Variants in DDIAS observed in about 807,000 individuals in gnomAD.
DDIAS encodes DNA damage induced apoptosis suppressor.
Under a neutral mutation model 15.7 loss-of-function variants are expected in DDIAS, and 14 were observed. That is an observed-to-expected ratio of 0.89 (90% CI 0.59 to 1.39). The LOEUF (loss-of-function observed/expected upper bound fraction) is 1.39. DDIAS is among the 40% of genes most tolerant of loss of function. The probability of loss-of-function intolerance (pLI) is 0.00; values close to 1 mark genes in which losing one functional copy is unlikely to be tolerated. For synonymous variants in DDIAS, 355 were observed against 395.9 expected (o/e 0.90, Z 1.23); for missense variants, 1,035 against 1,130.9 (o/e 0.92, Z 1.22).
chr11:82,921,668 C>G (rs185254324), intron 3 of DDIAS, among the ~76,000 whole-genome samples: 338 of 150,784 alleles, frequency 2.2e-3, no homozygotes, highest in African/African-American at 7.9e-3. Context: ...CCCTCCGCCC[C>G]CCCAGGTTCA....
chr11:82,933,717 A>C lies in DDIAS; in HGVS notation c.2379A>C (p.Lys793Asn). 1.2e-6 allele frequency: 2 copies of C among 1,613,368 alleles called. No individual in the cohort carries two copies. The highest frequency in any genetic ancestry group is 1.7e-4 in the Middle Eastern group (1 of 6,058). Residue 793 changes from lysine (K) to asparagine (N), a missense_variant, in exon 6 of 6, where the codon AAA becomes AAC. Lys to Asn is a moderately conservative substitution (Grantham distance 94). Coordinates refer to ENST00000533655, the MANE Select transcript of DDIAS (RefSeq NM_145018.4). ...TRIHGINRAF[K>N]KPVFYSDLDG... ...TTCATGGGATAAACAGAGCTTTCAA[A>C]AAACCTGTATTTTATTCAGATCTTG...
chr11:82,905,219 A>G (rs964935027), intron 1 of DDIAS, among the ~76,000 whole-genome samples: 3 of 152,170 alleles, frequency 2.0e-5, no homozygotes, highest in Non-Finnish European at 4.4e-5. Flanking sequence ...TCAAAGGCCA[A>G]CTGAGGCCTT....
At chr11:82,922,229 A>G (rs540265238) in intron 3 of DDIAS, among the ~76,000 whole-genome samples, 1 of 152,264 alleles carries the variant, frequency 6.6e-6, no homozygotes, top group South Asian at 2.1e-4. Flanking sequence ...GATGCTCTTT[A>G]TGCTTCTTGT....
chr11:82,931,084 C>T (rs1278835574), intron 5 of DDIAS, among the ~76,000 whole-genome samples: 3 of 151,896 alleles, frequency 2.0e-5, no homozygotes, highest in African/African-American at 7.3e-5. Context: ...GTGCAGTTTT[C>T]CATTTTATTA....
At chr11:82,915,491 TTCTTA>T (rs967168121) in intron 3 of DDIAS, among the ~76,000 whole-genome samples, 1 of 152,168 alleles carries the variant, frequency 6.6e-6, no homozygotes, top group African/African-American at 2.4e-5. Context: ...GCCAGCAATA[TTCTTA>T]ACTAGTCTTT....
Position 82,933,754 on chromosome 11 carries a change from GA to G in DDIAS, c.2422del (p.Ile808Ter). On this transcript the variant is annotated frameshift_variant, in exon 6 of 6. Coordinates refer to ENST00000533655, the MANE Select transcript of DDIAS (RefSeq NM_145018.4). LOFTEE classifies it low-confidence loss of function (END_TRUNC). ...VFYSDLDGNY[E>X]KIRIFPENDK... ...TTATTCAGATCTTGATGGTAACTAT[GA>G]AAAAATAAGGATTTTCCCTGAAAAT... 1 of 1,609,790 alleles carries G rather than the reference GA, an allele frequency of 6.2e-7. No individual in the cohort carries two copies. The highest frequency in any genetic ancestry group is 1.1e-5 in the South Asian group (1 of 89,820).
intron 3 of DDIAS, among the ~76,000 whole-genome samples, chr11:82,916,525 C>T (rs1196662529): frequency 6.6e-6 from 1 of 152,118 alleles, no homozygotes; most frequent in Non-Finnish European, 1.5e-5. Context: ...ATGCCTAGAA[C>T]ATTGTCTGAT....
chr11:82,933,013 A>G lies in DDIAS; in HGVS notation c.1675A>G (p.Ile559Val), dbSNP rs181167408. 212 of 1,609,438 alleles carry G rather than the reference A, an allele frequency of 1.3e-4. 1 individual carries two copies. The Admixed American group carries it at 3.4e-3, about 26-fold the overall frequency. The part of the protein sequence containing the change: ...LETIVTLKKT[I>V]RISPHRESDH... ...AACAATAGTTACTCTTAAGAAGACT[A>G]TCAGAATCTCACCACACAGGGAGAG... The change falls in exon 6 of 6, where the codon ATC (isoleucine) becomes GTC (valine). Residue 559 changes from isoleucine (I) to valine (V), a missense_variant. By Grantham distance (29) the Ile-to-Val change is conservative (BLOSUM62 3). Transcript: ENST00000533655.
At chr11:82,929,555 T>A (rs1040637679) in intron 4 of DDIAS, among the ~76,000 whole-genome samples, 1 of 151,894 alleles carries the variant, frequency 6.6e-6, no homozygotes, top group African/African-American at 2.4e-5. Context: ...TACAAAAAAT[T>A]AGCTGGGCAT....
chr11:82,910,218 AT>A (rs1835101031), intron 1 of DDIAS, among the ~76,000 whole-genome samples: 1 of 151,262 alleles, frequency 6.6e-6, no homozygotes, highest in African/African-American at 2.4e-5. Context: ...TAAGGCATGT[AT>A]TTTATGTTAT....
At chr11:82,915,075 G>C (rs1374149734) in intron 3 of DDIAS, among the ~76,000 whole-genome samples, 1 of 152,196 alleles carries the variant, frequency 6.6e-6, no homozygotes, top group Non-Finnish European at 1.5e-5. Flanking sequence ...CCTCATTGAA[G>C]AAAAATAACT....
chr11:82,930,038 C>CT, intron 4 of DDIAS, 119 bp from the exon 5 acceptor site: 1 of 600,738 alleles, frequency 1.7e-6, no homozygotes, highest in Non-Finnish European at 2.8e-6. Context: ...CTTAAAGTCA[C>CT]TTTTTTTCCT....
At chr11:82,914,182 G>A (rs1860582895) in intron 2 of DDIAS, 1 of 261,664 alleles carries the variant, frequency 3.8e-6, no homozygotes, top group South Asian at 3.3e-5. Flanking sequence ...TGATCCGCCT[G>A]CCTCGGCCTC....
chr11:82,918,564 A>T (rs909261891), intron 3 of DDIAS, among the ~76,000 whole-genome samples: 2 of 152,124 alleles, frequency 1.3e-5, no homozygotes, highest in Admixed American at 6.6e-5. Flanking sequence ...TGTGCAGGCC[A>T]TGTTTTGGTT....
In DDIAS at chr11:82,932,817, T is replaced by C. The variant is rs1317459823; in HGVS notation, c.1479T>C (p.Asp493=). 3 of 1,613,550 alleles carry C rather than the reference T, an allele frequency of 1.9e-6. No homozygotes were observed. The African/African-American group carries it at 4.0e-5, about 22-fold the overall frequency. ...TAGTCAAAGCAAACTGTAGCAAAGA[T>C]GACTTCCTTTTCAACTGTAAAGGAA... is the stretch of plus-strand genomic sequence containing the variant. ...QVIVKANCSK[D]DFLFNCKGNL... is the part of the protein sequence containing the mutation. The change falls in exon 6 of 6, where the codon GAT becomes GAC. Residue 493 remains aspartate, a synonymous_variant. Transcript: ENST00000533655.
intron 1 of DDIAS, among the ~76,000 whole-genome samples, chr11:82,908,007 A>G (rs888927244): frequency 6.6e-6 from 1 of 152,236 alleles, no homozygotes; most frequent in African/African-American, 2.4e-5. Context: ...TAGGATGACT[A>G]TCCAGCAGGG....
chr11:82,930,226 A>G lies in DDIAS; in HGVS notation c.345A>G (p.Lys115=), dbSNP rs1259716653. The G allele has an allele frequency of 1.2e-6, 2 of 1,604,614 alleles. No homozygotes were observed. The highest frequency in any genetic ancestry group is 1.7e-6 in the Non-Finnish European group (2 of 1,174,584). ...ATACAACTCAGAATCTATTAACTAA[A>G]GCAGTTGAAACTTGCTTTGTTGGAC... ...DNDTTQNLLT[K]AVETCFVGQS... is the part of the protein sequence containing the mutation. The change falls in exon 5 of 6, where the codon AAA becomes AAG. Residue 115 remains lysine, a synonymous_variant. Transcript: ENST00000533655.
At chr11:82,929,662 C>G (rs894316394) in intron 4 of DDIAS, among the ~76,000 whole-genome samples, 9 of 151,036 alleles carry the variant, frequency 6.0e-5, no homozygotes, top group Non-Finnish European at 1.5e-5. Context: ...CAAGATTGCA[C>G]CACTGCACTC....
In DDIAS at chr11:82,916,590, C is replaced by T. The variant is rs1860636374; in HGVS notation, c.113+1739C>T. Among the ~76,000 whole-genome samples, 4 of 152,084 alleles carry T rather than the reference C, an allele frequency of 2.6e-5. No individual in the cohort carries two copies. The South Asian group carries it at 8.3e-4, about 32-fold the overall frequency. On this transcript the variant is annotated intron_variant, in intron 3 of 5. Transcript: ENST00000533655. ...ATTTTTAAAACTCTTTCTTTCCAGT[C>T]ATTTATTTTAAAGATAATCTGCAAC...
Sources: gnomAD v4.1 joint callset for allele counts (sites outside exome capture counted in the v4.1 genomes callset) on GRCh38, gnomAD v4.1.1 for gene constraint, MANE v1.5 for transcripts, NCBI Gene and HGNC (gene_info 2026-07-23, HGNC 2026-07-21) for gene names.